The following PRKCSH variants were observed in gnomAD, a reference collection of about 807,000 sequenced individuals.
PRKCSH encodes the protein PRKCSH beta subunit of glucosidase II.
PRKCSH carries 42 observed loss-of-function variants against 79.7 expected under a neutral mutation model. The ratio of observed to expected loss-of-function variants is 0.53; its 90% CI spans 0.41 to 0.68. PRKCSH has a LOEUF of 0.68. Ranked by LOEUF, PRKCSH falls within the 30% of genes least tolerant of loss-of-function variation. The pLI, the probability that PRKCSH is intolerant of heterozygous loss-of-function variation, is 0.00. For missense variants in PRKCSH, 686 were observed against 709.0 expected (o/e 0.97, Z 0.37); for synonymous variants, 325 against 288.2 (o/e 1.13, Z -1.29).
Position 11,448,225 on chromosome 19 carries a change from C to T in PRKCSH, c.1130C>T (p.Ala377Val). The T allele has an allele frequency of 2.6e-6, 4 of 1,558,616 alleles. No individual in the cohort carries two copies. The highest frequency in any genetic ancestry group is 3.5e-6 in the Non-Finnish European group (4 of 1,150,770). Residue 377 changes from alanine (A) to valine (V), a missense_variant, in exon 13 of 18, where the codon GCC (alanine) becomes GTC (valine). By Grantham distance (64) the Ala-to-Val change is moderately conservative (BLOSUM62 0). This residue lies in a region of PRKCSH where 549 missense variants were observed against 520.2 expected (regional missense o/e 1.06). Transcript: ENST00000677123. This position sits in a 1 kb window ranked among gnomAD's most constrained non-coding sequence, Gnocchi z 4.4. Reference protein sequence around the residue: ...DEQTQAFIDAAQEARNKFEEA... With the variant: ...DEQTQAFIDAVQEARNKFEEA... ...TGACCTCCAACCCCTCTCCCAGCTG[C>T]CCAGGAGGCCCGCAACAAGTTCGAG...
intron 5 of PRKCSH, 166 bp from the exon 6 acceptor site, chr19:11,441,074 G>C: frequency 1.3e-6 from 1 of 746,544 alleles, no homozygotes; most frequent in Admixed American, 1.9e-5. Context: ...TCAAGGACAG[G>C]AATGAAGGAT....
Position 11,449,266 on chromosome 19 carries a change from G to A in PRKCSH, c.1462G>A (p.Val488Met), listed in dbSNP as rs1194805138. Residue 488 changes from valine (V) to methionine (M), a missense_variant and splice_region_variant, in exon 17 of 18, where the codon GTG becomes ATG. This residue lies in a region of PRKCSH where 137 missense variants were observed against 188.8 expected (regional missense o/e 0.73). Coordinates refer to ENST00000677123, the MANE Select transcript of PRKCSH (RefSeq NM_001289104.2). This position sits in a 1 kb window ranked among gnomAD's most constrained non-coding sequence, Gnocchi z 6.4. ...CGAGCACCCGTCTGCCCATCCCCAG[G>A]TGCGCCTCCTGTGCGGGAAAGAGAC... ...CWQGPNRSTT[V>M]RLLCGKETMV... The A allele has an allele frequency of 1.2e-6, 2 of 1,613,722 alleles. No homozygotes were observed. Among genetic ancestry groups the A allele is most frequent in the Non-Finnish European group, 1.7e-6 (2 of 1,179,952 alleles).
Position 11,441,288 on chromosome 19 carries a change from C to G in PRKCSH, c.399C>G (p.Val133=), listed in dbSNP as rs1476478936. 2 of 1,613,974 alleles carry G rather than the reference C, an allele frequency of 1.2e-6. No homozygotes were observed. Among genetic ancestry groups the G allele is most frequent in the South Asian group, 1.1e-5 (1 of 91,066 alleles). Residue 133 remains valine (V), a synonymous_variant, in exon 6 of 18, where the codon GTC becomes GTG. Transcript: ENST00000677123. ...ERESLQQMAE[V]TREGFRLKKI... is the part of the protein sequence containing the mutation. ...AGTCCCTGCAGCAGATGGCCGAGGT[C>G]ACCCGCGAAGGGTTCCGTCTGAAGA...
chr19:11,437,313 C>T (rs1969813221), intron 3 of PRKCSH, among the ~76,000 whole-genome samples: 1 of 151,720 alleles, frequency 6.6e-6, no homozygotes, highest in African/African-American at 2.4e-5. Flanking sequence ...GTTGGGATTA[C>T]AGGCGTGAGC....
rs1970409666 is a variant in PRKCSH, at chr19:11,448,155, T to G, written c.1127-67T>G. ...GTATGGGAGCACACAGCCACATCCA[T>G]GGAACCCCGTTCCCCATCCTCCTGG... On this transcript the variant is annotated intron_variant, in intron 12 of 17. Coordinates refer to ENST00000677123, the MANE Select transcript of PRKCSH (RefSeq NM_001289104.2). This position sits in a 1 kb window ranked among gnomAD's most constrained non-coding sequence, Gnocchi z 4.4. The G allele has an allele frequency of 8.1e-6, 12 of 1,480,544 alleles. 1 individual carries two copies. The highest frequency in any genetic ancestry group is 3.6e-5 in the South Asian group (3 of 82,274). The allele number at this position is 1,480,544 out of a possible 1,614,324, so 91.7% of individuals were successfully genotyped here.
rs770888874 is a variant in PRKCSH, at chr19:11,447,555, G to GGAAGAAGAGGCT, written c.977_988dup (p.Ala326_Glu329dup). 3.0e-6 allele frequency: 4 copies of GGAAGAAGAGGCT among 1,320,776 alleles called. No homozygotes were observed. The highest frequency in any genetic ancestry group is 4.3e-6 in the Non-Finnish European group (4 of 938,726). 81.8% of individuals were successfully genotyped at this position (1,320,776 alleles called of 1,614,324 possible). On this transcript the variant is annotated inframe_insertion, in exon 11 of 18. Coordinates refer to ENST00000677123, the MANE Select transcript of PRKCSH (RefSeq NM_001289104.2). The surrounding 1 kb of genome is among the most constrained non-coding windows in gnomAD (Gnocchi z 5.6). ...AGGAGGAGGAGGAGGAGGAGGAGGA[G>GGAAGAAGAGGCT]GAAGAAGAGGCTGAAGAAGAGGAGG...
Position 11,448,410 on chromosome 19 carries a change from A to G in PRKCSH, c.1196+119A>G. The G allele has an allele frequency of 6.8e-7, 1 of 1,465,710 alleles. No individual in the cohort carries two copies. The highest frequency in any genetic ancestry group is 2.3e-5 in the East Asian group (1 of 43,264). The allele number at this position is 1,465,710 out of a possible 1,614,324, so 90.8% of individuals were successfully genotyped here. A position where few individuals can be genotyped will look rare whatever the true frequency, so the allele number is the denominator to read the frequency against. ...CAGGCTGGGCCTGGTCCCTGCAGGGAGGGTCCCTGGGAGGTGGCAGGGAGG... is the reference window on the plus strand; with the variant it reads ...CAGGCTGGGCCTGGTCCCTGCAGGGGGGGTCCCTGGGAGGTGGCAGGGAGG... On this transcript the variant is annotated intron_variant, in intron 13 of 17. Coordinates refer to ENST00000677123, the MANE Select transcript of PRKCSH (RefSeq NM_001289104.2). This position sits in a 1 kb window ranked among gnomAD's most constrained non-coding sequence, Gnocchi z 4.4.
intron 7 of PRKCSH, 82 bp from the exon 8 acceptor site, chr19:11,445,307 G>C: frequency 7.4e-7 from 1 of 1,355,422 alleles, no homozygotes; most frequent in Non-Finnish European, 1.0e-6. Context: ...GTAGGCGCTT[G>C]GTGGCAAACG....
rs1970395153 is a variant in PRKCSH at position 11,447,859 on chromosome 19, G to A, written c.1126+70G>A. The A allele has an allele frequency of 1.4e-6, 2 of 1,461,750 alleles. No individual in the cohort carries two copies. The highest frequency in any genetic ancestry group is 1.8e-6 in the Non-Finnish European group (2 of 1,087,120). 90.5% of individuals were successfully genotyped at this position (1,461,750 alleles called of 1,614,324 possible). A position where few individuals can be genotyped will look rare whatever the true frequency, so the allele number is the denominator to read the frequency against. On this transcript the variant is annotated intron_variant, in intron 12 of 17. Transcript: ENST00000677123. The surrounding 1 kb of genome is among the most constrained non-coding windows in gnomAD (Gnocchi z 5.6). ...TCCTGCCGTGGTGGCACAGGTCGAG[G>A]GAAGATCCTGAGCTTAGACCCTGCT...
chr19:11,436,256 T>C lies in PRKCSH; in HGVS notation c.79+60T>C, dbSNP rs542938776. 7 of 1,599,366 alleles carry C rather than the reference T, an allele frequency of 4.4e-6. No individual in the cohort carries two copies. In the African/African-American group the frequency reaches 6.7e-5, roughly 15 times the overall value. ...AGGTGGGAGGGGCCAACATTGGGCCTTAGGGATAGGCATTTACAGCCTTTT... is the reference window on the plus strand; with the variant it reads ...AGGTGGGAGGGGCCAACATTGGGCCCTAGGGATAGGCATTTACAGCCTTTT... On this transcript the variant is annotated intron_variant, in intron 2 of 17. Coordinates refer to ENST00000677123, the MANE Select transcript of PRKCSH (RefSeq NM_001289104.2).
intron 8 of PRKCSH, chr19:11,445,944 T>G: frequency 2.0e-6 from 1 of 496,694 alleles, no homozygotes; most frequent in South Asian, 2.2e-5. Context: ...GGGGTGGGCT[T>G]TGCTGGGTGG....
intron 1 of PRKCSH, 112 bp from the exon 2 acceptor site, chr19:11,435,929 T>C: frequency 2.1e-6 from 2 of 941,004 alleles, no homozygotes; most frequent in Non-Finnish European, 3.3e-6. Context: ...TCGCTGCCCC[T>C]CGCCCCCATA....
intron 7 of PRKCSH, among the ~76,000 whole-genome samples, chr19:11,444,227 T>C (rs771112146): frequency 1.3e-5 from 2 of 152,194 alleles, no homozygotes; most frequent in Non-Finnish European, 2.9e-5. Flanking sequence ...TTCCTTTCAC[T>C]TGGGTCTGGG....
chr19:11,436,703 A>C, intron 3 of PRKCSH, 198 bp downstream of exon 3: 2 of 580,890 alleles, frequency 3.4e-6, no homozygotes. Context: ...CCTCGGGGTC[A>C]GAGAAGGCTC....
chr19:11,446,175 G>C (rs1046969853), intron 8 of PRKCSH, 97 bp from the exon 9 acceptor site: 1 of 1,340,194 alleles, frequency 7.5e-7, no homozygotes, highest in Non-Finnish European at 1.0e-6. Context: ...TTCCAGGGTG[G>C]GGCCCTGCAG....
At position 11,440,171 on chromosome 19, in the gene PRKCSH, G is replaced by A. The variant is rs145272595; in HGVS notation, c.351-1069G>A. On this transcript the variant is annotated intron_variant, in intron 5 of 17. Transcript: ENST00000677123. The stretch of plus-strand genomic sequence containing the variant: ...ACACACTTCTTTTTTTTTTTGAGAC[G>A]GAGTCTCACTCTGTCGCCCAGGCTG... Among the ~76,000 whole-genome samples the A allele has an allele frequency of 5.6e-3, 843 of 150,702 alleles. 9 individuals are homozygous for A. The highest frequency in any genetic ancestry group is 0.013 in the South Asian group (64 of 4,782).
chr19:11,445,497 G>A (rs1204577589), intron 8 of PRKCSH, 24 bp downstream of exon 8: 15 of 1,610,970 alleles, frequency 9.3e-6, no homozygotes, highest in Non-Finnish European at 1.3e-5. Context: ...AGTTGGAGCT[G>A]CCCACCTTTC....
At chr19:11,444,244 C>T (rs1253292280) in intron 7 of PRKCSH, among the ~76,000 whole-genome samples, 1 of 152,188 alleles carries the variant, frequency 6.6e-6, no homozygotes, top group African/African-American at 2.4e-5. Context: ...TGGGCAAGCT[C>T]AGGCCTGATT....
At chr19:11,440,598 G>T (rs1034108816) in intron 5 of PRKCSH, among the ~76,000 whole-genome samples, 3 of 151,912 alleles carry the variant, frequency 2.0e-5, no homozygotes, top group African/African-American at 7.3e-5. Flanking sequence ...CCGTGTAGCT[G>T]GGCGCCACCA....
Sources: allele counts gnomAD v4.1 joint callset (sites outside exome capture counted in the v4.1 genomes callset), GRCh38; gene constraint gnomAD v4.1.1; regional missense constraint gnomAD v4.1.1; non-coding constraint Gnocchi (gnomAD v3.1); transcripts MANE v1.5; gene names NCBI Gene and HGNC (gene_info 2026-07-23, HGNC 2026-07-21).